LMNB1: variants seen among roughly 807,000 people sequenced by gnomAD.
LMNB1 encodes lamin-B1.
LMNB1 carries 23 observed loss-of-function variants against 67.1 expected under a neutral mutation model. The observed-to-expected ratio is 0.34, with a 90% CI of 0.25 to 0.49. The LOEUF (loss-of-function observed/expected upper bound fraction) is 0.49. Ranked by LOEUF, LMNB1 falls within the 20% of genes least tolerant of loss-of-function variation. The pLI is 0.99. For missense variants in LMNB1, 634 were observed against 746.5 expected, an observed-to-expected ratio of 0.85 and a Z score of 1.76; for synonymous variants, 281 against 282.9, an observed-to-expected ratio of 0.99 and a Z score of 0.07.
chr5:126,836,397 C>A lies in LMNB1; in HGVS notation c.*133C>A. The stretch of plus-strand genomic sequence containing the variant: ...ATTTTTAAGCTGCAAATCTGATGGC[C>A]TTAATTTCCTTTTTGACACTGAAAG... On this transcript the variant is annotated 3_prime_UTR_variant, in exon 11 of 11. Transcript: ENST00000261366. 1.6e-6 allele frequency: 1 copy of A among 634,888 alleles called. No homozygotes were observed. The allele number at this position is 634,888 out of a possible 1,614,324, so 39.3% of individuals were successfully genotyped here. A position where few individuals can be genotyped will look rare whatever the true frequency, so the allele number is the denominator to read the frequency against.
At chr5:126,830,087 C>G (rs1228967647) in intron 9 of LMNB1, among the ~76,000 whole-genome samples, 1 of 152,336 alleles carries the variant, frequency 6.6e-6, no homozygotes, top group South Asian at 2.1e-4. Flanking sequence ...AATCATCTTT[C>G]GTCCACATAA....
chr5:126,825,906 GT>G (rs1209762314), intron 8 of LMNB1, 81 bp from the exon 9 acceptor site: 1 of 1,567,560 alleles, frequency 6.4e-7, no homozygotes, highest in Non-Finnish European at 8.7e-7. Context: ...AGAATCAAGT[GT>G]TTGAGTCTCA....
At chr5:126,813,880 G>C (rs564557713) in intron 5 of LMNB1, among the ~76,000 whole-genome samples, 1 of 152,204 alleles carries the variant, frequency 6.6e-6, no homozygotes, top group South Asian at 2.1e-4. Flanking sequence ...CTGTATCACT[G>C]TCTTTGTTTT....
intron 5 of LMNB1, among the ~76,000 whole-genome samples, chr5:126,812,698 T>G (rs1006056401): frequency 1.7e-4 from 25 of 151,484 alleles, no homozygotes; most frequent in Non-Finnish European, 3.4e-4. Context: ...ATTTTCCACA[T>G]GAGAATAAAC....
At chr5:126,799,080 C>T (rs1217721033) in intron 1 of LMNB1, among the ~76,000 whole-genome samples, 2 of 149,878 alleles carry the variant, frequency 1.3e-5, no homozygotes, top group African/African-American at 4.9e-5. Context: ...TGCAGTGGCG[C>T]AATCTCGGCT....
At chr5:126,796,206 G>C (rs1038324873) in intron 1 of LMNB1, among the ~76,000 whole-genome samples, 1 of 151,988 alleles carries the variant, frequency 6.6e-6, no homozygotes, top group Non-Finnish European at 1.5e-5. Context: ...TGGGATTATA[G>C]GTGTGAGCTA....
chr5:126,785,480 C>CTTTTTTTT (rs111537827), intron 1 of LMNB1, among the ~76,000 whole-genome samples: 2 of 137,414 alleles, frequency 1.5e-5, no homozygotes, highest in Non-Finnish European at 3.1e-5. Flanking sequence ...TTTTCTTTTT[C>CTTTTTTTT]TTTTTTTTTT....
At chr5:126,812,325 C>A (rs1279887025) in intron 5 of LMNB1, among the ~76,000 whole-genome samples, 1 of 152,220 alleles carries the variant, frequency 6.6e-6, no homozygotes, top group East Asian at 1.9e-4. Flanking sequence ...TGTTTCTAGA[C>A]AAATTCTTTA....
chr5:126,780,404 C>T (rs1366544162), intron 1 of LMNB1, among the ~76,000 whole-genome samples: 3 of 152,110 alleles, frequency 2.0e-5, no homozygotes, highest in Non-Finnish European at 2.9e-5. Flanking sequence ...CAGGAGTTAG[C>T]CACAGGAGGT....
chr5:126,795,308 T>G (rs1328671358), intron 1 of LMNB1, among the ~76,000 whole-genome samples: 1 of 152,056 alleles, frequency 6.6e-6, no homozygotes, highest in Non-Finnish European at 1.5e-5. Context: ...CAGCTAATTT[T>G]TGTATTCTTT....
At chr5:126,787,534 A>ATTTTTTTT in intron 1 of LMNB1, among the ~76,000 whole-genome samples, 1 of 88,732 alleles carries the variant, frequency 1.1e-5, no homozygotes, top group Non-Finnish European at 2.2e-5. Flanking sequence ...GTATATATAT[A>ATTTTTTTT]TATATATATA....
intron 9 of LMNB1, among the ~76,000 whole-genome samples, chr5:126,829,862 C>G (rs1752088299): frequency 6.6e-6 from 1 of 151,902 alleles, no homozygotes; most frequent in Non-Finnish European, 1.5e-5. Context: ...GGGGTGTGTA[C>G]CCAGGTAAAC....
chr5:126,787,524 G>GTATATATA (rs1179342923), intron 1 of LMNB1, among the ~76,000 whole-genome samples: 135 of 87,516 alleles, frequency 1.5e-3, no homozygotes, highest in Non-Finnish European at 1.8e-3. Context: ...GTGTGTGGGG[G>GTATATATA]TATATATATA....
In LMNB1 at chr5:126,836,740, TAAG is replaced by T. The variant is rs1752257676; in HGVS notation, c.*477_*479del. 1 of 393,114 alleles carries T rather than the reference TAAG, an allele frequency of 2.5e-6. No individual in the cohort carries two copies. Among genetic ancestry groups the T allele is most frequent in the African/African-American group, 2.1e-5 (1 of 48,494 alleles). 24.4% of individuals were successfully genotyped at this position (393,114 alleles called of 1,614,324 possible). A position where few individuals can be genotyped will look rare whatever the true frequency, so the allele number is the denominator to read the frequency against. On this transcript the variant is annotated 3_prime_UTR_variant, in exon 11 of 11. Coordinates refer to ENST00000261366, the MANE Select transcript of LMNB1 (RefSeq NM_005573.4). ...ACTTTTGTACTGAATTTTTTTGTAA[TAAG>T]CAATCAAGGTTATAATTTTTTTTAA...
chr5:126,829,373 T>C (rs147866533), intron 9 of LMNB1, among the ~76,000 whole-genome samples: 80 of 151,984 alleles, frequency 5.3e-4, no homozygotes, highest in African/African-American at 1.9e-3. Flanking sequence ...TATTTGCTTT[T>C]TGTGGGAAGG....
intron 1 of LMNB1, among the ~76,000 whole-genome samples, chr5:126,792,630 G>A (rs1750991274): frequency 7.3e-6 from 1 of 136,914 alleles, no homozygotes; most frequent in Admixed American, 7.7e-5. Context: ...AGGCTGGAGT[G>A]CAGTGGCGCG....
At position 126,796,268 on chromosome 5, in the gene LMNB1, GTCT is replaced by G. The variant is rs568865455; in HGVS notation, c.360-8503_360-8501del. On this transcript the variant is annotated intron_variant, in intron 1 of 10. Coordinates refer to ENST00000261366, the MANE Select transcript of LMNB1 (RefSeq NM_005573.4). The stretch of plus-strand genomic sequence containing the variant: ...TAATCTCCTTTTTTTGCCTTGCCCT[GTCT>G]TCTTATGGTGCTGACTGATCTCTAC... Among the ~76,000 whole-genome samples the G allele has an allele frequency of 7.1e-4, 108 of 152,100 alleles. 1 individual carries two copies. Among genetic ancestry groups the G allele is most frequent in the Admixed American group, 1.3e-3 (20 of 15,236 alleles).
intron 1 of LMNB1, among the ~76,000 whole-genome samples, chr5:126,800,266 A>G (rs1006831356): frequency 2.0e-5 from 3 of 151,698 alleles, no homozygotes; most frequent in African/African-American, 7.3e-5. Context: ...TGTATATACC[A>G]TGCACCATAT....
At chr5:126,820,859 G>C in intron 6 of LMNB1, 51 bp from the exon 7 acceptor site, 1 of 1,312,662 alleles carries the variant, frequency 7.6e-7, no homozygotes, top group Non-Finnish European at 1.1e-6. Context: ...TTTTTAAGGC[G>C]AGAAGGGCAT....
Sources: allele counts gnomAD v4.1 joint callset (sites outside exome capture counted in the v4.1 genomes callset), GRCh38; gene constraint gnomAD v4.1.1; transcripts MANE v1.5; gene names NCBI Gene and HGNC (gene_info 2026-07-23, HGNC 2026-07-21).